Variants in ACAP2 observed in about 807,000 individuals in gnomAD.
ACAP2 encodes ArfGAP with coiled-coil, ankyrin repeat and PH domains 2.
A neutral mutation model predicts 115.8 loss-of-function variants in ACAP2; 39 were observed. The ratio of observed to expected loss-of-function variants is 0.34; its 90% confidence interval spans 0.26 to 0.44. The LOEUF is 0.44. Ranked by LOEUF, ACAP2 falls within the 20% of genes least tolerant of loss-of-function variation. The pLI, the probability that ACAP2 is intolerant of heterozygous loss-of-function variation, is 1.00. For synonymous variants in ACAP2, 289 were observed against 315.8 expected (o/e 0.92, Z 0.90); for missense variants, 662 against 927.6 (o/e 0.71, Z 3.72).
In ACAP2 at chr3:195,360,001, T is replaced by C. The variant is rs1271940946; in HGVS notation, c.286-14684A>G. ...GACCACAAAACAACCAGAAAACAAA[T>C]AACAACATGGCAGGTGTAAATCCTT... On this transcript the variant is annotated intron_variant, in intron 4 of 22. Coordinates refer to ENST00000326793, the MANE Select transcript of ACAP2 (RefSeq NM_012287.6). 2.0e-5 allele frequency among the ~76,000 whole-genome samples: 3 copies of C among 151,842 alleles called. No homozygotes were observed. In the East Asian group the frequency reaches 5.8e-4, roughly 29 times the overall value.
At chr3:195,420,497 T>C (rs183374800) in intron 1 of ACAP2, among the ~76,000 whole-genome samples, 3,401 of 149,636 alleles carry the variant, frequency 0.023, 113 homozygotes, top group East Asian at 0.1. Context: ...TATAGGCGCG[T>C]GCCACCACAC....
At chr3:195,427,487 G>A (rs1218637991) in intron 1 of ACAP2, among the ~76,000 whole-genome samples, 2 of 152,070 alleles carry the variant, frequency 1.3e-5, no homozygotes, top group East Asian at 1.9e-4. Flanking sequence ...AAGCCACCTC[G>A]ACGGTGTAGC....
At chr3:195,354,146 T>A (rs571746784) in intron 4 of ACAP2, among the ~76,000 whole-genome samples, 4 of 152,332 alleles carry the variant, frequency 2.6e-5, no homozygotes, top group East Asian at 1.9e-4. Flanking sequence ...TCCAGCTCCA[T>A]CCATGTTCCT....
At chr3:195,307,936 T>C (rs1189877514) in intron 11 of ACAP2, among the ~76,000 whole-genome samples, 3 of 152,148 alleles carry the variant, frequency 2.0e-5, no homozygotes, top group Admixed American at 2.0e-4. Flanking sequence ...GAGTAGAGAT[T>C]TGAAATCTGC....
chr3:195,341,487 G>C (rs1421581949), intron 6 of ACAP2, among the ~76,000 whole-genome samples: 1 of 151,952 alleles, frequency 6.6e-6, no homozygotes. Context: ...ACCACGCCCA[G>C]CTAATTTTTT....
chr3:195,424,242 GTGGT>G (rs1414266790), intron 1 of ACAP2, among the ~76,000 whole-genome samples: 2,381 of 102,848 alleles, frequency 0.023, 123 homozygotes, highest in East Asian at 0.22. Flanking sequence ...GTGTGTGTGT[GTGGT>G]GTGTGTGTGT....
intron 1 of ACAP2, among the ~76,000 whole-genome samples, chr3:195,395,427 G>C (rs888290412): frequency 2.6e-5 from 4 of 152,170 alleles, no homozygotes; most frequent in African/African-American, 9.7e-5. Flanking sequence ...CAACAGGCAA[G>C]TTTGACCCAT....
At chr3:195,424,574 C>T (rs554959739) in intron 1 of ACAP2, among the ~76,000 whole-genome samples, 112 of 151,124 alleles carry the variant, frequency 7.4e-4, no homozygotes, top group African/African-American at 2.6e-3. Flanking sequence ...GCTGGGATTA[C>T]AGGTGTGAGC....
rs560590394 is a variant in ACAP2 at position 195,330,327 on chromosome 3, G to A, written c.669+2701C>T. On this transcript the variant is annotated intron_variant, in intron 8 of 22. Transcript: ENST00000326793. ...TATCGTAATTGGCCACCTCCAACCC[G>A]GCCATCTTATCCACTAGGCACTATA... Among the ~76,000 whole-genome samples the A allele has an allele frequency of 6.4e-4, 97 of 152,108 alleles. 1 individual carries two copies. Among genetic ancestry groups the A allele is most frequent in the Non-Finnish European group, 1.0e-3 (68 of 68,012 alleles).
intron 1 of ACAP2, among the ~76,000 whole-genome samples, chr3:195,408,643 C>A (rs1712990242): frequency 6.6e-6 from 1 of 152,056 alleles, no homozygotes; most frequent in Admixed American, 6.6e-5. Context: ...CCAGACACTA[C>A]TGGAAAAGAA....
intron 4 of ACAP2, among the ~76,000 whole-genome samples, chr3:195,351,849 A>C (rs1731633413): frequency 6.6e-6 from 1 of 152,184 alleles, no homozygotes; most frequent in Non-Finnish European, 1.5e-5. Flanking sequence ...CAACATCATT[A>C]CTTATTAATA....
In ACAP2 at chr3:195,276,598, G is replaced by C. The variant is rs1726194239; in HGVS notation, c.*2730C>G. The C allele has an allele frequency of 6.6e-6, 1 of 152,120 alleles. No individual in the cohort carries two copies. The allele number at this position is 152,120 out of a possible 1,614,324, so 9.4% of individuals were successfully genotyped here. A position where few individuals can be genotyped will look rare whatever the true frequency, so the allele number is the denominator to read the frequency against. On this transcript the variant is annotated 3_prime_UTR_variant, in exon 23 of 23. Coordinates refer to ENST00000326793, the MANE Select transcript of ACAP2 (RefSeq NM_012287.6). ...AAGGAATAAGAAACTAATAATAGCA[G>C]ATAAGTTATGGAAAGAAAATAAAAG...
At chr3:195,290,876 A>T (rs1333396887) in intron 20 of ACAP2, among the ~76,000 whole-genome samples, 2 of 118,734 alleles carry the variant, frequency 1.7e-5, no homozygotes, top group African/African-American at 3.0e-5. Context: ...AATAAATAAA[A>T]ATAGCCAGAC....
intron 1 of ACAP2, among the ~76,000 whole-genome samples, chr3:195,428,383 CAT>C (rs1218426397): frequency 2.7e-5 from 4 of 150,462 alleles, no homozygotes; most frequent in African/African-American, 9.8e-5. Context: ...TAGGTCTATA[CAT>C]ATATATACAC....
chr3:195,320,993 C>T (rs1729410483), intron 9 of ACAP2, among the ~76,000 whole-genome samples, 180 bp from the exon 10 acceptor site: 1 of 151,982 alleles, frequency 6.6e-6, no homozygotes, highest in Non-Finnish European at 1.5e-5. Context: ...TGTTTCAATA[C>T]ATTAAAGTAT....
At chr3:195,374,754 G>A (rs370724455) in intron 4 of ACAP2, among the ~76,000 whole-genome samples, 14 of 151,484 alleles carry the variant, frequency 9.2e-5, no homozygotes, top group East Asian at 2.0e-4. Flanking sequence ...ACGCTCTGTC[G>A]CCCAGGCTGG....
chr3:195,422,044 C>T (rs138851466), intron 1 of ACAP2, among the ~76,000 whole-genome samples: 1,955 of 152,202 alleles, frequency 0.013, 32 homozygotes, highest in African/African-American at 0.043. Context: ...AGTTAACCTT[C>T]CAGTTCATTT....
chr3:195,345,491 G>A (rs1731139267), intron 4 of ACAP2, among the ~76,000 whole-genome samples, 174 bp from the exon 5 acceptor site: 1 of 152,020 alleles, frequency 6.6e-6, no homozygotes, highest in African/African-American at 2.4e-5. Flanking sequence ...AACAGATTAA[G>A]CCAATTTCAT....
chr3:195,285,068 G>A (rs1467369719), intron 22 of ACAP2, among the ~76,000 whole-genome samples: 2 of 152,188 alleles, frequency 1.3e-5, no homozygotes, highest in East Asian at 1.9e-4. Flanking sequence ...GCCATCAGGT[G>A]CAAAAAGTAT....
Sources: gnomAD v4.1 joint callset for allele counts (sites outside exome capture counted in the v4.1 genomes callset) on GRCh38, gnomAD v4.1.1 for gene constraint, MANE v1.5 for transcripts, NCBI Gene and HGNC (gene_info 2026-07-23, HGNC 2026-07-21) for gene names.